SHCBP1: variants seen among roughly 807,000 people sequenced by gnomAD.
SHCBP1 encodes the protein SHC binding and spindle associated 1.
A neutral mutation model predicts 75.1 loss-of-function variants in SHCBP1; 60 were observed. The observed-to-expected ratio is 0.80, with a 90% CI of 0.65 to 0.99. The LOEUF (loss-of-function observed/expected upper bound fraction) is 0.99. Ranked by LOEUF, SHCBP1 falls within the 50% of genes least tolerant of loss-of-function variation. SHCBP1 has a pLI of 0.00. For missense variants in SHCBP1, 709 were observed against 809.4 expected, an observed-to-expected ratio of 0.88 and a Z score of 1.50; for synonymous variants, 290 against 293.2, an observed-to-expected ratio of 0.99 and a Z score of 0.11.
chr16:46,603,238 G>C (rs1026504603), intron 8 of SHCBP1, among the ~76,000 whole-genome samples: 2 of 151,920 alleles, frequency 1.3e-5, no homozygotes, highest in Non-Finnish European at 2.9e-5. Context: ...CTAGAAATTA[G>C]ATTTCCTTTC....
chr16:46,615,835 T>A, intron 4 of SHCBP1, 111 bp downstream of exon 4: 1 of 850,012 alleles, frequency 1.2e-6, no homozygotes. Flanking sequence ...AATATTGCAA[T>A]GACCAAGTTT....
In SHCBP1 at chr16:46,617,990, G is replaced by A. The variant is rs892214072; in HGVS notation, c.271+215C>T. Among the ~76,000 whole-genome samples the A allele has an allele frequency of 3.9e-5, 6 of 152,218 alleles. No individual in the cohort carries two copies. In the South Asian group the frequency reaches 6.2e-4, roughly 16 times the overall value. On this transcript the variant is annotated intron_variant, in intron 2 of 12. Transcript: ENST00000303383. The stretch of plus-strand genomic sequence containing the variant: ...GTCGGGAGTTCAAGACCAGCCTGAC[G>A]AAAATGGAGAAACCCCGTCTCTAGT...
At chr16:46,596,733 T>G (rs1305206738) in intron 9 of SHCBP1, among the ~76,000 whole-genome samples, 1 of 149,640 alleles carries the variant, frequency 6.7e-6, no homozygotes, top group African/African-American at 2.5e-5. Flanking sequence ...GAGTAAACTT[T>G]TTTTTTTTTT....
intron 4 of SHCBP1, among the ~76,000 whole-genome samples, chr16:46,609,243 G>A (rs148587866): frequency 3.0e-4 from 45 of 152,096 alleles, no homozygotes; most frequent in Admixed American, 1.8e-3. Context: ...CACAAGAATC[G>A]CTTGAACTGG....
At position 46,594,872 on chromosome 16, in the gene SHCBP1, C is replaced by A. The variant is rs574104638; in HGVS notation, c.1464+680G>T. 2.6e-5 allele frequency among the ~76,000 whole-genome samples: 4 copies of A among 152,212 alleles called. No homozygotes were observed. The East Asian group carries it at 7.7e-4, about 29-fold the overall frequency. ...TCCTTCCACAAGTGACAAAACAAAC[C>A]GTGGAACAACCACACATTGGACTAT... On this transcript the variant is annotated intron_variant, in intron 10 of 12. Transcript: ENST00000303383.
chr16:46,618,234 C>T lies in SHCBP1; in HGVS notation c.242G>A (p.Arg81Gln), dbSNP rs772293350. Reference protein sequence around the residue: ...FQTNQLLFYERFRAYQDYILA... With the variant: ...FQTNQLLFYEQFRAYQDYILA... ...AATGTAATCTTGATAGGCTCTGAAT[C>T]GCTCATAGAACAAAAGTTGATTTGT... Residue 81 changes from arginine (R) to glutamine (Q), a missense_variant, in exon 2 of 13, where the codon CGA (arginine) becomes CAA (glutamine). By Grantham distance (43) the Arg-to-Gln change is conservative. Transcript: ENST00000303383. 6.2e-6 allele frequency: 10 copies of T among 1,609,050 alleles called. No homozygotes were observed. Among genetic ancestry groups the T allele is most frequent in the African/African-American group, 4.0e-5 (3 of 74,424 alleles).
intron 5 of SHCBP1, among the ~76,000 whole-genome samples, chr16:46,607,147 G>T (rs981778568): frequency 1.3e-5 from 2 of 152,156 alleles, no homozygotes; most frequent in African/African-American, 4.8e-5. Context: ...TTGAGGTCAG[G>T]AGTTCGAGAC....
chr16:46,608,353 T>C lies in SHCBP1; in HGVS notation c.633A>G (p.Glu211=). Residue 211 remains glutamate, a synonymous_variant, in exon 5 of 13, where the codon GAA becomes GAG. Coordinates refer to ENST00000303383, the MANE Select transcript of SHCBP1 (RefSeq NM_024745.5). Reference sequence around the variant, plus strand: ...AATAATCGTATTCATCCTCCTCTTCTTCATCCCAACTCCTCCAAATGTTTT... The same window carrying C: ...AATAATCGTATTCATCCTCCTCTTCCTCATCCCAACTCCTCCAAATGTTTT... ...FYQNIWRSWD[E]EEEDEYDYFV... The C allele has an allele frequency of 6.2e-7, 1 of 1,613,840 alleles. No individual in the cohort carries two copies. The highest frequency in any genetic ancestry group is 8.5e-7 in the Non-Finnish European group (1 of 1,179,854).
chr16:46,621,013 G>A (rs898901977), intron 1 of SHCBP1: 1 of 426,956 alleles, frequency 2.3e-6, no homozygotes, highest in East Asian at 3.6e-5. Flanking sequence ...CCAACCTCGG[G>A]GCGGGCGGAG....
intron 10 of SHCBP1, among the ~76,000 whole-genome samples, chr16:46,584,529 G>A (rs1217433979): frequency 6.6e-6 from 1 of 152,070 alleles, no homozygotes; most frequent in Non-Finnish European, 1.5e-5. Flanking sequence ...TTTGAGGATA[G>A]AAACAAGACC....
chr16:46,597,242 C>A (rs1173315371), intron 9 of SHCBP1, among the ~76,000 whole-genome samples: 2 of 152,044 alleles, frequency 1.3e-5, no homozygotes, highest in Non-Finnish European at 2.9e-5. Flanking sequence ...GAAACCCCAT[C>A]TCTAAAAAAT....
Position 46,599,841 on chromosome 16 carries a change from C to G in SHCBP1, c.1335G>C (p.Glu445Asp), listed in dbSNP as rs2142999950. ...CATTCAGATACTTACTTAAGATTCC[C>G]TCTACAGCATCATGCTGAACAAATT... ...GIKFVQHDAV[E>D]GILIVHRGKT... Residue 445 changes from glutamate to aspartate, a missense_variant, in exon 9 of 13, where the codon GAG becomes GAC. Physicochemically the swap from Glu to Asp is conservative, Grantham distance 45. Transcript: ENST00000303383. The G allele has an allele frequency of 1.2e-6, 2 of 1,604,868 alleles. No homozygotes were observed. The highest frequency in any genetic ancestry group is 1.7e-6 in the Non-Finnish European group (2 of 1,177,308).
At chr16:46,585,454 T>C (rs574244374) in intron 10 of SHCBP1, among the ~76,000 whole-genome samples, 35 of 152,152 alleles carry the variant, frequency 2.3e-4, no homozygotes, top group African/African-American at 7.7e-4. Context: ...TTCCTTTCTT[T>C]TTGCTTCATA....
chr16:46,617,404 T>C (rs1432394944), intron 3 of SHCBP1, among the ~76,000 whole-genome samples: 1 of 152,252 alleles, frequency 6.6e-6, no homozygotes, highest in Non-Finnish European at 1.5e-5. Flanking sequence ...TTAAGTGATC[T>C]CAAATACCTT....
At chr16:46,600,264 C>G (rs185697405) in intron 8 of SHCBP1, among the ~76,000 whole-genome samples, 80 of 152,184 alleles carry the variant, frequency 5.3e-4, no homozygotes, top group African/African-American at 1.8e-3. Context: ...AAATAATGTT[C>G]AAGACCAGCC....
chr16:46,607,325 G>A (rs1368405103), intron 5 of SHCBP1, among the ~76,000 whole-genome samples: 2 of 152,178 alleles, frequency 1.3e-5, no homozygotes, highest in African/African-American at 2.4e-5. Context: ...CTGCACTCCA[G>A]CCTGGGCAAC....
In SHCBP1 at chr16:46,581,702, T is replaced by G; in HGVS notation, c.*27A>C. On this transcript the variant is annotated 3_prime_UTR_variant, in exon 13 of 13. Coordinates refer to ENST00000303383, the MANE Select transcript of SHCBP1 (RefSeq NM_024745.5). ...AGGGCAGCATGTGCAAAATCCAGTA[T>G]TTTGCTATCTACTTACATCACTGTA... is the stretch of plus-strand genomic sequence containing the variant. The G allele has an allele frequency of 1.3e-6, 2 of 1,587,082 alleles. No individual in the cohort carries two copies. Among genetic ancestry groups the G allele is most frequent in the Non-Finnish European group, 1.7e-6 (2 of 1,163,152 alleles).
chr16:46,612,488 T>G (rs1310222114), intron 4 of SHCBP1, among the ~76,000 whole-genome samples: 1 of 152,176 alleles, frequency 6.6e-6, no homozygotes, highest in East Asian at 1.9e-4. Flanking sequence ...TTGTTGTTGT[T>G]GTAATGAACT....
At chr16:46,610,544 A>T (rs1333892911) in intron 4 of SHCBP1, among the ~76,000 whole-genome samples, 32 of 31,086 alleles carry the variant, frequency 1.0e-3, no homozygotes, top group East Asian at 2.5e-3. Flanking sequence ...CATGGGGTCA[A>T]TTTTTTTTTT....
Sources: gnomAD v4.1 joint callset for allele counts (sites outside exome capture counted in the v4.1 genomes callset) on GRCh38, gnomAD v4.1.1 for gene constraint, MANE v1.5 for transcripts, NCBI Gene and HGNC (gene_info 2026-07-23, HGNC 2026-07-21) for gene names.